The following DLG2 variants were observed in gnomAD, a reference collection of about 807,000 sequenced individuals.
DLG2 encodes disks large homolog 2.
DLG2 carries 45 observed loss-of-function variants against 132.5 expected under a neutral mutation model. That is an observed-to-expected ratio of 0.34 (90% CI 0.27 to 0.44). The LOEUF is 0.44. Ranked by LOEUF, DLG2 falls within the 20% of genes least tolerant of loss-of-function variation. The pLI, the probability that DLG2 is intolerant of heterozygous loss-of-function variation, is 1.00. For synonymous variants in DLG2, 424 were observed against 419.6 expected, an observed-to-expected ratio of 1.01 and a Z score of -0.13; for missense variants, 1,045 against 1,196.9, an observed-to-expected ratio of 0.87 and a Z score of 1.87.
chr11:84,903,466 A>G (rs779388372), intron 6 of DLG2, among the ~76,000 whole-genome samples: 13 of 152,270 alleles, frequency 8.5e-5, no homozygotes, highest in Admixed American at 5.9e-4. Flanking sequence ...ATATAAGCAC[A>G]TAGGTACCAG....
At chr11:84,655,958 T>G (rs996370530) in intron 6 of DLG2, among the ~76,000 whole-genome samples, 1 of 152,164 alleles carries the variant, frequency 6.6e-6, no homozygotes, top group African/African-American at 2.4e-5. Flanking sequence ...AGAATATTGA[T>G]CTGGGCCTCA....
chr11:83,509,585 T>G (rs2094903449), intron 21 of DLG2, among the ~76,000 whole-genome samples: 1 of 152,144 alleles, frequency 6.6e-6, no homozygotes, highest in African/African-American at 2.4e-5. Context: ...GTACTCCATC[T>G]CTCAAGCCAT....
In DLG2 at chr11:83,668,867, A is replaced by ATATAT. The variant is rs768513119; in HGVS notation, c.1826-35543_1826-35542insATATA. ...CACACACACATATATATATATATAT[A>ATATAT]TTTTTTTTTTATGATAGACTATGAG... On this transcript the variant is annotated intron_variant, in intron 18 of 27. Coordinates refer to ENST00000376104, the MANE Select transcript of DLG2 (RefSeq NM_001142699.3). 4.9e-3 allele frequency among the ~76,000 whole-genome samples: 538 copies of ATATAT among 110,326 alleles called. 27 individuals carry two copies. Among genetic ancestry groups the ATATAT allele is most frequent in the African/African-American group, 0.017 (485 of 28,122 alleles). The allele number at this position is 110,326 out of a possible 152,430, so 72.4% of individuals were successfully genotyped here. A position where few individuals can be genotyped will look rare whatever the true frequency, so the allele number is the denominator to read the frequency against.
At chr11:83,761,286 T>A (rs1442035728) in intron 18 of DLG2, among the ~76,000 whole-genome samples, 1 of 152,226 alleles carries the variant, frequency 6.6e-6, no homozygotes, top group Admixed American at 6.5e-5. Flanking sequence ...ATCCCATACT[T>A]AATAGTCCTG....
chr11:84,165,363 C>T (rs7941748), intron 8 of DLG2, among the ~76,000 whole-genome samples: 7,435 of 152,236 alleles, frequency 0.049, 205 homozygotes, highest in African/African-American at 0.061. Flanking sequence ...TCAAAACCTA[C>T]GCTTAACATT....
chr11:84,655,527 G>A (rs567036755), intron 6 of DLG2, among the ~76,000 whole-genome samples: 1 of 152,236 alleles, frequency 6.6e-6, no homozygotes, highest in East Asian at 1.9e-4. Context: ...CTAAGTCACA[G>A]AGAAAAGAAA....
chr11:84,819,174 T>C (rs1263582514), intron 6 of DLG2, among the ~76,000 whole-genome samples: 1 of 150,944 alleles, frequency 6.6e-6, no homozygotes, highest in Non-Finnish European at 1.5e-5. Flanking sequence ...CTCTAAAAGA[T>C]CAACTTGCTG....
chr11:85,082,454 A>G (rs755572938), intron 6 of DLG2, among the ~76,000 whole-genome samples: 1 of 152,150 alleles, frequency 6.6e-6, no homozygotes, highest in Non-Finnish European at 1.5e-5. Flanking sequence ...GTAAGGCAAT[A>G]CAAGAAAGCA....
chr11:85,138,748 A>T (rs189651356), intron 5 of DLG2, among the ~76,000 whole-genome samples: 2 of 150,234 alleles, frequency 1.3e-5, no homozygotes, highest in Admixed American at 1.3e-4. Flanking sequence ...ATTTTCTCAT[A>T]CTGTCACCAT....
At chr11:83,768,500 T>C (rs1485921936) in intron 18 of DLG2, among the ~76,000 whole-genome samples, 2 of 152,250 alleles carry the variant, frequency 1.3e-5, no homozygotes, top group African/African-American at 4.8e-5. Context: ...ATTCAGAAAT[T>C]CTCACTTCGG....
chr11:84,382,416 GA>G (rs199786629), intron 7 of DLG2, among the ~76,000 whole-genome samples: 1 of 152,152 alleles, frequency 6.6e-6, no homozygotes, highest in East Asian at 1.9e-4. Flanking sequence ...TATTGCTGAT[GA>G]AAAAAATTAC....
rs116684694 is a variant in DLG2, at chr11:84,613,033, C to A, written c.358-78302G>T. 2.2e-3 allele frequency among the ~76,000 whole-genome samples: 332 copies of A among 152,226 alleles called. 3 individuals are homozygous for A. Among genetic ancestry groups the A allele is most frequent in the African/African-American group, 7.5e-3 (311 of 41,548 alleles). ...ATTTCTAAATGCAAATATAAATGATCAAGCTTCTGTTGAACAACTCTGTCC... is the reference window on the plus strand; with the variant it reads ...ATTTCTAAATGCAAATATAAATGATAAAGCTTCTGTTGAACAACTCTGTCC... On this transcript the variant is annotated intron_variant, in intron 6 of 27. Transcript: ENST00000376104.
At chr11:83,518,543 G>A (rs11233657) in intron 21 of DLG2, among the ~76,000 whole-genome samples, 54,653 of 151,928 alleles carry the variant, frequency 0.36, 9,906 homozygotes, top group Middle Eastern at 0.46. Flanking sequence ...CACTGCACCC[G>A]CTATCCGACA....
chr11:84,229,637 T>A (rs1375569380), intron 8 of DLG2, among the ~76,000 whole-genome samples: 3 of 152,196 alleles, frequency 2.0e-5, no homozygotes, highest in Non-Finnish European at 4.4e-5. Flanking sequence ...TCCCAAGTGA[T>A]GCTAATGCCA....
chr11:83,570,757 G>T (rs1266679253), intron 19 of DLG2, among the ~76,000 whole-genome samples: 1 of 152,142 alleles, frequency 6.6e-6, no homozygotes, highest in East Asian at 1.9e-4. Context: ...GGTCAGTGGT[G>T]ACAGATGATA....
intron 18 of DLG2, among the ~76,000 whole-genome samples, chr11:83,734,581 G>C (rs1203950905): frequency 6.6e-6 from 1 of 152,062 alleles, no homozygotes; most frequent in East Asian, 1.9e-4. Flanking sequence ...CTCCCGAGTA[G>C]CTGGGACTAC....
chr11:85,125,132 A>G (rs1049873918), intron 5 of DLG2, among the ~76,000 whole-genome samples: 1 of 152,212 alleles, frequency 6.6e-6, no homozygotes, highest in African/African-American at 2.4e-5. Context: ...GCCCAGCCTG[A>G]GCGCAGTAAA....
chr11:84,809,562 A>G (rs1463880694), intron 6 of DLG2, among the ~76,000 whole-genome samples: 4 of 151,974 alleles, frequency 2.6e-5, no homozygotes, highest in Admixed American at 6.6e-5. Context: ...TCTAGAACCA[A>G]TAAATAAGTT....
intron 11 of DLG2, among the ~76,000 whole-genome samples, chr11:84,037,072 A>C (rs2095884850): frequency 6.6e-6 from 1 of 152,136 alleles, no homozygotes; most frequent in Non-Finnish European, 1.5e-5. Flanking sequence ...TAAGCAAGTG[A>C]ATACACTGCT....
Sources: allele counts gnomAD v4.1 joint callset (sites outside exome capture counted in the v4.1 genomes callset), GRCh38; gene constraint gnomAD v4.1.1; transcripts MANE v1.5; gene names NCBI Gene and HGNC (gene_info 2026-07-23, HGNC 2026-07-21).